Variants in CTXN2 observed in about 807,000 individuals in gnomAD.
CTXN2 encodes cortexin 2, also known as cortexin-2.
A neutral mutation model predicts 5.7 loss-of-function variants in CTXN2; 3 were observed. The ratio of observed to expected loss-of-function variants is 0.53; its 90% CI spans 0.24 to 1.36. CTXN2 has a LOEUF of 1.36. Ranked by LOEUF, CTXN2 falls within the 40% of genes most tolerant of loss-of-function variation. The pLI is 0.17. For synonymous variants in CTXN2, 38 were observed against 36.4 expected (o/e 1.04, Z -0.16); for missense variants, 87 against 93.0 (o/e 0.94, Z 0.26).
rs2040941331 is a variant in CTXN2 at position 48,203,119 on chromosome 15, C to A, written c.*1573C>A. On this transcript the variant is annotated 3_prime_UTR_variant, in exon 2 of 2. Coordinates refer to ENST00000417307, the MANE Select transcript of CTXN2 (RefSeq NM_001145668.2). ...AAATTAACTAGCTTCCCAAGGTCAC[C>A]ATAGCTAGGGAATGGTTATGTTAGG... The A allele has an allele frequency of 6.0e-6, 1 of 166,906 alleles. No homozygotes were observed. The highest frequency in any genetic ancestry group is 1.5e-5 in the Non-Finnish European group (1 of 68,092). 10.3% of individuals were successfully genotyped at this position (166,906 alleles called of 1,614,324 possible). A position where few individuals can be genotyped will look rare whatever the true frequency, so the allele number is the denominator to read the frequency against.
intron 1 of CTXN2, among the ~76,000 whole-genome samples, chr15:48,183,443 T>C (rs2040718509): frequency 6.6e-6 from 1 of 152,214 alleles, no homozygotes; most frequent in African/African-American, 2.4e-5. Context: ...CCATGGAGGT[T>C]TTCAGACAAC....
intron 1 of CTXN2, among the ~76,000 whole-genome samples, chr15:48,180,898 A>G (rs1409013333): frequency 2.0e-5 from 3 of 152,214 alleles, no homozygotes; most frequent in Admixed American, 6.5e-5. Context: ...TTATTTTCCC[A>G]TGATTCACAT....
Position 48,201,603 on chromosome 15 carries a change from T to C in CTXN2, c.*57T>C, listed in dbSNP as rs2040930326. ...CCATCGGGACACATTCTGGATACAA[T>C]TGTAACTACCTTGAGGGTGTGGGAG... On this transcript the variant is annotated 3_prime_UTR_variant, in exon 2 of 2. Transcript: ENST00000417307. 15 of 1,524,296 alleles carry C rather than the reference T, an allele frequency of 9.8e-6. No individual in the cohort carries two copies. Among genetic ancestry groups the C allele is most frequent in the Non-Finnish European group, 1.3e-5 (15 of 1,126,748 alleles). 94.4% of individuals were successfully genotyped at this position (1,524,296 alleles called of 1,614,324 possible). A position where few individuals can be genotyped will look rare whatever the true frequency, so the allele number is the denominator to read the frequency against.
At position 48,198,541 on chromosome 15, in the gene CTXN2, G is replaced by A. The variant is rs371495146; in HGVS notation, c.-57-2703G>A. Among the ~76,000 whole-genome samples, 9 of 152,108 alleles carry A rather than the reference G, an allele frequency of 5.9e-5. No homozygotes were observed. In the South Asian group the frequency reaches 1.2e-3, roughly 21 times the overall value. ...AGGCTCTAGGAACAAAGTATTATTC[G>A]CTGTATGATGGACATATTATATTCT... On this transcript the variant is annotated intron_variant, in intron 1 of 1. Coordinates refer to ENST00000417307, the MANE Select transcript of CTXN2 (RefSeq NM_001145668.2).
At chr15:48,184,284 G>A (rs1393797294) in intron 1 of CTXN2, among the ~76,000 whole-genome samples, 1 of 152,114 alleles carries the variant, frequency 6.6e-6, no homozygotes, top group Non-Finnish European at 1.5e-5. Flanking sequence ...TATATGAGAG[G>A]TGTGGCTTTT....
At chr15:48,196,709 T>G (rs1037864637) in intron 1 of CTXN2, among the ~76,000 whole-genome samples, 5 of 152,224 alleles carry the variant, frequency 3.3e-5, no homozygotes, top group Admixed American at 1.3e-4. Context: ...CCTATTAAAC[T>G]CATGTTAACT....
rs188318243 is a variant in CTXN2 at position 48,182,901 on chromosome 15, T to C, written c.-455+4501T>C. The stretch of plus-strand genomic sequence containing the variant: ...CATGGCCAAGGATCCCTCTGACCTG[T>C]AACAACAAGATAAGTCTCAAGACTT... On this transcript the variant is annotated intron_variant, in intron 1 of 2. Transcript: ENST00000644354. Among the ~76,000 whole-genome samples, 3 of 152,284 alleles carry C rather than the reference T, an allele frequency of 2.0e-5. No homozygotes were observed. In the East Asian group the frequency reaches 5.8e-4, roughly 29 times the overall value.
At chr15:48,194,338 T>C (rs895002843) in intron 1 of CTXN2, among the ~76,000 whole-genome samples, 2 of 152,112 alleles carry the variant, frequency 1.3e-5, no homozygotes, top group African/African-American at 4.8e-5. Context: ...CATCATATGA[T>C]TTAACCTTCT....
At chr15:48,184,836 C>T (rs1396905735) in intron 1 of CTXN2, among the ~76,000 whole-genome samples, 3 of 152,122 alleles carry the variant, frequency 2.0e-5, no homozygotes, top group African/African-American at 7.2e-5. Context: ...CACACAAAAG[C>T]CTGCACACAA....
chr15:48,197,732 G>A (rs1245486920), intron 1 of CTXN2, among the ~76,000 whole-genome samples: 1 of 152,040 alleles, frequency 6.6e-6, no homozygotes, highest in Non-Finnish European at 1.5e-5. Flanking sequence ...ACCAATAATA[G>A]AGACACAGAG....
Position 48,183,756 on chromosome 15 carries a change from T to C in CTXN2, c.-455+5356T>C, listed in dbSNP as rs138348119. On this transcript the variant is annotated intron_variant, in intron 1 of 2. Coordinates refer to the CTXN2 transcript ENST00000644354. ...TAACAAATCTCAATTGTGAGTTCCTTGCAATATCGTTCAGGCTACTAAAGA... is the reference window on the plus strand; with the variant it reads ...TAACAAATCTCAATTGTGAGTTCCTCGCAATATCGTTCAGGCTACTAAAGA... Among the ~76,000 whole-genome samples, 952 of 152,318 alleles carry C rather than the reference T, an allele frequency of 6.3e-3. 7 individuals are homozygous for C. The highest frequency in any genetic ancestry group is 0.017 in the Middle Eastern group (5 of 294).
rs776585166 is a variant in CTXN2, at chr15:48,201,582, C to T, written c.*36C>T. On this transcript the variant is annotated 3_prime_UTR_variant, in exon 2 of 2. Transcript: ENST00000417307. ...TATATGGTTTTTATGGTTGTGCCAT[C>T]GGGACACATTCTGGATACAATTGTA... 7 of 1,545,762 alleles carry T rather than the reference C, an allele frequency of 4.5e-6. No individual in the cohort carries two copies. Among genetic ancestry groups the T allele is most frequent in the South Asian group, 3.6e-5 (3 of 83,492 alleles).
At chr15:48,183,340 C>G (rs965991985) in intron 1 of CTXN2, among the ~76,000 whole-genome samples, 1 of 151,978 alleles carries the variant, frequency 6.6e-6, no homozygotes, top group Non-Finnish European at 1.5e-5. Context: ...GATCTCAAAC[C>G]GAAAATGCTA....
intron 1 of CTXN2, among the ~76,000 whole-genome samples, chr15:48,179,806 A>AT (rs1454255817): frequency 1.3e-5 from 2 of 152,194 alleles, no homozygotes; most frequent in South Asian, 2.1e-4. Context: ...AAGCCAAGTG[A>AT]TTTTTCCCAC....
At chr15:48,197,896 C>T (rs1455812955) in intron 1 of CTXN2, among the ~76,000 whole-genome samples, 1 of 152,090 alleles carries the variant, frequency 6.6e-6, no homozygotes, top group Admixed American at 6.6e-5. Flanking sequence ...TTTGAAGTAT[C>T]TTACAATACC....
At chr15:48,194,276 T>C (rs1232533982) in intron 1 of CTXN2, among the ~76,000 whole-genome samples, 1 of 152,090 alleles carries the variant, frequency 6.6e-6, no homozygotes, top group East Asian at 1.9e-4. Flanking sequence ...TTTATGGAGC[T>C]CTTCCTTTAA....
At chr15:48,194,402 A>G (rs1379259833) in intron 1 of CTXN2, among the ~76,000 whole-genome samples, 1 of 151,980 alleles carries the variant, frequency 6.6e-6, no homozygotes, top group East Asian at 1.9e-4. Context: ...ACCTGACTCC[A>G]TTTTCTCATT....
chr15:48,200,343 C>T (rs913681046), intron 1 of CTXN2, among the ~76,000 whole-genome samples: 8 of 152,078 alleles, frequency 5.3e-5, no homozygotes, highest in African/African-American at 1.9e-4. Context: ...TAACTTAAGA[C>T]ATCAAATGGG....
intron 1 of CTXN2, among the ~76,000 whole-genome samples, chr15:48,192,735 C>T (rs973338075): frequency 1.3e-5 from 2 of 152,058 alleles, no homozygotes. Flanking sequence ...ATATTCCACT[C>T]TAATAGTTAT....
Sources: allele counts gnomAD v4.1 joint callset (sites outside exome capture counted in the v4.1 genomes callset), GRCh38; gene constraint gnomAD v4.1.1; transcripts MANE v1.5; gene names NCBI Gene and HGNC (gene_info 2026-07-23, HGNC 2026-07-21).